Variants in RAB3C observed in about 807,000 individuals in gnomAD.
RAB3C encodes ras-related protein Rab-3C.
RAB3C carries 17 observed loss-of-function variants against 26.4 expected under a neutral mutation model. The observed-to-expected ratio is 0.64, with a 90% CI of 0.44 to 0.97. The LOEUF is 0.97. RAB3C is among the 50% of genes least tolerant of loss of function. The probability of loss-of-function intolerance (pLI) is 0.00; values close to 1 mark genes in which losing one functional copy is unlikely to be tolerated. For missense variants in RAB3C, 242 were observed against 281.9 expected, an observed-to-expected ratio of 0.86 and a Z score of 1.01; for synonymous variants, 91 against 95.9, an observed-to-expected ratio of 0.95 and a Z score of 0.30.
At chr5:58,687,132 G>C (rs1194357454) in intron 2 of RAB3C, among the ~76,000 whole-genome samples, 1 of 152,038 alleles carries the variant, frequency 6.6e-6, no homozygotes, top group Non-Finnish European at 1.5e-5. Flanking sequence ...TTGGGAGCAG[G>C]ATCATTTTAT....
At chr5:58,638,265 T>C (rs1418272728) in intron 2 of RAB3C, among the ~76,000 whole-genome samples, 1 of 152,122 alleles carries the variant, frequency 6.6e-6, no homozygotes, top group East Asian at 1.9e-4. Context: ...TTTTGAGGTG[T>C]CTTTTCATTT....
chr5:58,627,495 A>C (rs1747082118), intron 2 of RAB3C, among the ~76,000 whole-genome samples: 2 of 61,360 alleles, frequency 3.3e-5, no homozygotes, highest in Non-Finnish European at 2.8e-5. Context: ...AAAAAAAAAA[A>C]AAAAAAAAAA....
chr5:58,597,246 T>TATA (rs1362596979), intron 1 of RAB3C, among the ~76,000 whole-genome samples: 2 of 10,736 alleles, frequency 1.9e-4, no homozygotes, highest in East Asian at 2.5e-3. Flanking sequence ...CAATATATTA[T>TATA]ATAATATATA....
intron 2 of RAB3C, among the ~76,000 whole-genome samples, chr5:58,722,590 G>T (rs1166727223): frequency 1.3e-5 from 2 of 151,846 alleles, no homozygotes; most frequent in African/African-American, 4.8e-5. Context: ...ATGCTCCCCA[G>T]AAAGCTTACA....
intron 2 of RAB3C, among the ~76,000 whole-genome samples, chr5:58,707,030 G>C (rs1748955805): frequency 6.6e-6 from 1 of 152,132 alleles, no homozygotes; most frequent in Non-Finnish European, 1.5e-5. Context: ...ATATTGAAGT[G>C]GGTCCTCTGG....
At chr5:58,641,751 A>G (rs1436403716) in intron 2 of RAB3C, among the ~76,000 whole-genome samples, 1 of 152,210 alleles carries the variant, frequency 6.6e-6, no homozygotes, top group Non-Finnish European at 1.5e-5. Context: ...AGTAACTTCT[A>G]TGACTGGGGA....
chr5:58,711,267 C>T (rs1749054749), intron 2 of RAB3C, among the ~76,000 whole-genome samples: 1 of 152,148 alleles, frequency 6.6e-6, no homozygotes, highest in South Asian at 2.1e-4. Context: ...CCAGTTTTGT[C>T]TTAACAGACA....
At chr5:58,806,509 T>G (rs78632008) in intron 3 of RAB3C, among the ~76,000 whole-genome samples, 1 of 152,172 alleles carries the variant, frequency 6.6e-6, no homozygotes, top group African/African-American at 2.4e-5. Flanking sequence ...ACAAGCTCCC[T>G]GGATACGTGA....
chr5:58,803,511 CTA>C (rs1344924872), intron 3 of RAB3C, among the ~76,000 whole-genome samples: 2 of 152,188 alleles, frequency 1.3e-5, no homozygotes, highest in Non-Finnish European at 2.9e-5. Flanking sequence ...AAAACCAGCT[CTA>C]TGTCTGTAAA....
At chr5:58,702,185 T>G (rs1214429811) in intron 2 of RAB3C, among the ~76,000 whole-genome samples, 1 of 152,208 alleles carries the variant, frequency 6.6e-6, no homozygotes, top group Non-Finnish European at 1.5e-5. Context: ...AATTTGGCAC[T>G]TACTCTTATG....
chr5:58,814,043 T>G (rs1743159007), intron 3 of RAB3C, among the ~76,000 whole-genome samples: 1 of 152,218 alleles, frequency 6.6e-6, no homozygotes, highest in South Asian at 2.1e-4. Flanking sequence ...TTGAAGTCTT[T>G]CGCAATCTTT....
chr5:58,596,695 AATATATT>A (rs1172825051), intron 1 of RAB3C, among the ~76,000 whole-genome samples: 3 of 48,966 alleles, frequency 6.1e-5, no homozygotes, highest in Admixed American at 3.3e-4. Context: ...TATAATACAT[AATATATT>A]ATATATAAAT....
Position 58,794,137 on chromosome 5 carries a change from C to G in RAB3C, c.372-30901C>G, listed in dbSNP as rs146034361. 2.1e-3 allele frequency among the ~76,000 whole-genome samples: 313 copies of G among 152,214 alleles called. 2 individuals carry two copies. The highest frequency in any genetic ancestry group is 7.1e-3 in the African/African-American group (297 of 41,552). ...TTACAGCAGGTCACTAAAGTTATACCAGCAAATGCAATGAAAATTCACAGT... is the reference window on the plus strand; with the variant it reads ...TTACAGCAGGTCACTAAAGTTATACGAGCAAATGCAATGAAAATTCACAGT... On this transcript the variant is annotated intron_variant, in intron 3 of 4. Coordinates refer to ENST00000282878, the MANE Select transcript of RAB3C (RefSeq NM_138453.4).
chr5:58,700,363 A>T (rs1748816108), intron 2 of RAB3C, among the ~76,000 whole-genome samples: 1 of 152,208 alleles, frequency 6.6e-6, no homozygotes, highest in South Asian at 2.1e-4. Context: ...TTCTGTGATG[A>T]GGGGGATGGC....
At chr5:58,851,093 G>GC in intron 4 of RAB3C, 71 bp from the exon 5 acceptor site, 2 of 1,434,470 alleles carry the variant, frequency 1.4e-6, no homozygotes, top group South Asian at 2.7e-5. Context: ...ACTATTGAAA[G>GC]CCATAATCAA....
chr5:58,819,425 T>G (rs1230835990), intron 3 of RAB3C, among the ~76,000 whole-genome samples: 1 of 152,214 alleles, frequency 6.6e-6, no homozygotes, highest in African/African-American at 2.4e-5. Context: ...CTGTGGGTCT[T>G]TCTCAACTCA....
At chr5:58,847,323 T>C (rs1054729301) in intron 4 of RAB3C, among the ~76,000 whole-genome samples, 4 of 152,188 alleles carry the variant, frequency 2.6e-5, no homozygotes, top group Admixed American at 1.3e-4. Flanking sequence ...GGGCTACTTA[T>C]TTGATCTTGC....
intron 2 of RAB3C, among the ~76,000 whole-genome samples, chr5:58,636,278 A>G (rs1482905930): frequency 1.3e-5 from 2 of 152,178 alleles, no homozygotes; most frequent in African/African-American, 2.4e-5. Context: ...CCAGCTCTCT[A>G]GTAGATGGGT....
intron 2 of RAB3C, among the ~76,000 whole-genome samples, chr5:58,626,287 C>A (rs1049791219): frequency 2.0e-5 from 3 of 152,140 alleles, no homozygotes; most frequent in Admixed American, 6.6e-5. Context: ...GTATGAAGAT[C>A]TTTTAAATTA....
Sources: gnomAD v4.1 joint callset for allele counts (sites outside exome capture counted in the v4.1 genomes callset) on GRCh38, gnomAD v4.1.1 for gene constraint, MANE v1.5 for transcripts, NCBI Gene and HGNC (gene_info 2026-07-23, HGNC 2026-07-21) for gene names.